Variants in AHNAK2 observed in about 807,000 individuals in gnomAD.
The protein encoded by AHNAK2 is AHNAK nucleoprotein 2, also known as protein AHNAK2.
AHNAK2 carries 18 observed loss-of-function variants against 30.7 expected under a neutral mutation model. The observed-to-expected ratio is 0.59, with a 90% CI of 0.41 to 0.87. The LOEUF is 0.87. AHNAK2 is among the 40% of genes least tolerant of loss of function. The pLI is 0.00. For synonymous variants in AHNAK2, 3,590 were observed against 3,073.8 expected (o/e 1.17, Z -5.56); for missense variants, 8,604 against 7,373.0 (o/e 1.17, Z -6.11).
Position 104,954,733 on chromosome 14 carries a change from C to T in AHNAK2, c.718G>A (p.Glu240Lys). 1 of 1,609,944 alleles carries T rather than the reference C, an allele frequency of 6.2e-7. No homozygotes were observed. Among genetic ancestry groups the T allele is most frequent in the African/African-American group, 1.3e-5 (1 of 74,854 alleles). The change falls in exon 7 of 7, where the codon GAG (glutamate) becomes AAG (lysine). Residue 240 changes from glutamate to lysine, a missense_variant. By Grantham distance (56) the Glu-to-Lys change is moderately conservative. Coordinates refer to ENST00000333244, the MANE Select transcript of AHNAK2 (RefSeq NM_138420.4). The surrounding 1 kb of genome is among the most constrained non-coding windows in gnomAD (Gnocchi z 4.3). ...TKTLEGDGDQ[E>K]RLISKPRVGR... ...ACCCTTGGTTTGGAGATGAGTCTCT[C>T]TTGGTCCCCATCTCCTTCCAGAGTT... is the stretch of plus-strand genomic sequence containing the variant.
rs751882345 is a variant in AHNAK2, at chr14:104,943,145, G to C, written c.12306C>G (p.Asp4102Glu). The stretch of plus-strand genomic sequence containing the variant: ...CCAGCTTTGCTCTCGGGGCCTGGAC[G>C]TCCACCTCCATGCTGGACAGAGACA... ...VKMSLSSMEVDVQAPRAKLDG... is the reference protein window; with the variant it reads ...VKMSLSSMEVEVQAPRAKLDG... Residue 4102 changes from aspartate to glutamate, a missense_variant, in exon 7 of 7, where the codon GAC (aspartate) becomes GAG (glutamate). Coordinates refer to ENST00000333244, the MANE Select transcript of AHNAK2 (RefSeq NM_138420.4). The C allele has an allele frequency of 6.2e-7, 1 of 1,613,260 alleles. No homozygotes were observed. The highest frequency in any genetic ancestry group is 8.5e-7 in the Non-Finnish European group (1 of 1,179,640).
intron 4 of AHNAK2, 24 bp downstream of exon 4, chr14:104,956,564 A>T: frequency 1.2e-6 from 2 of 1,610,868 alleles, no homozygotes; most frequent in Non-Finnish European, 1.7e-6. Context: ...CACCTCTGTG[A>T]CCCTCAGCTC....
Position 104,953,044 on chromosome 14 carries a change from C to G in AHNAK2, c.2407G>C (p.Val803Leu). The G allele has an allele frequency of 6.2e-7, 1 of 1,613,392 alleles. No homozygotes were observed. The highest frequency in any genetic ancestry group is 1.7e-4 in the Middle Eastern group (1 of 6,058). Residue 803 changes from valine to leucine, a missense_variant, in exon 7 of 7, where the codon GTC becomes CTC. Transcript: ENST00000333244. ...KMSLSSMEVD[V>L]QAPRAKLDGA... ...TCCAGCTTTGCTCTCGGGGCCTGGACGTCCACCTCCATGCTGGACAGAGAC... is the reference window on the plus strand; with the variant it reads ...TCCAGCTTTGCTCTCGGGGCCTGGAGGTCCACCTCCATGCTGGACAGAGAC...
At position 104,944,933 on chromosome 14, in the gene AHNAK2, G is replaced by T. The variant is rs199879973; in HGVS notation, c.10518C>A (p.Asp3506Glu). The T allele has an allele frequency of 1.4e-5, 23 of 1,613,086 alleles. 1 individual carries two copies. In the East Asian group the frequency reaches 2.9e-4, roughly 20 times the overall value. The change falls in exon 7 of 7, where the codon GAC becomes GAA. Residue 3506 changes from aspartate to glutamate, a missense_variant. Physicochemically the swap from Asp to Glu is conservative, Grantham distance 45. Transcript: ENST00000333244. ...LDVSAPKVEADVSLSSMQGDL... is the reference protein window; with the variant it reads ...LDVSAPKVEAEVSLSSMQGDL... ...CCCCCTGCATGGAGGAGAGGCTCAC[G>T]TCGGCCTCCACCTTCGGCGCAGACA...
Position 104,945,775 on chromosome 14 carries a change from G to C in AHNAK2, c.9676C>G (p.Leu3226Val), listed in dbSNP as rs756139601. 1.0e-5 allele frequency: 16 copies of C among 1,591,124 alleles called. No homozygotes were observed. Among genetic ancestry groups the C allele is most frequent in the Non-Finnish European group, 1.4e-5 (16 of 1,166,774 alleles). ...VLEGAGLKGH[L>V]PKLQMPSFKM... is the part of the protein sequence containing the mutation. ...AAACTGGGCATCTGCAACTTGGGCA[G>C]GTGCCCTTTGAGGCCAGCTCCCTCG... Residue 3226 changes from leucine (L) to valine (V), a missense_variant, in exon 7 of 7, where the codon CTG (leucine) becomes GTG (valine). Coordinates refer to ENST00000333244, the MANE Select transcript of AHNAK2 (RefSeq NM_138420.4).
chr14:104,967,978 C>T (rs536540962), intron 1 of AHNAK2, among the ~76,000 whole-genome samples: 4 of 152,246 alleles, frequency 2.6e-5, no homozygotes, highest in Admixed American at 2.6e-4. Context: ...CCCAGACAGG[C>T]TCTGCAAGTG....
rs1266164784 is a variant in AHNAK2 at position 104,953,312 on chromosome 14, G to C, written c.2139C>G (p.Ser713=). The C allele has an allele frequency of 1.9e-6, 3 of 1,612,844 alleles. No homozygotes were observed. Among genetic ancestry groups the C allele is most frequent in the Non-Finnish European group, 2.5e-6 (3 of 1,179,690 alleles). ...PKVEADVSLL[S]MQGDLKTTDL... ...CAGTGGTCTTGAGGTCCCCCTGCAT[G>C]GAGAGGAGGCTCACGTCGGCCTCCA... Residue 713 remains serine, a synonymous_variant, in exon 7 of 7, where the codon TCC becomes TCG. Coordinates refer to ENST00000333244, the MANE Select transcript of AHNAK2 (RefSeq NM_138420.4).
Position 104,947,600 on chromosome 14 carries a change from G to C in AHNAK2, c.7851C>G (p.Asp2617Glu). 6.2e-7 allele frequency: 1 copy of C among 1,610,782 alleles called. No individual in the cohort carries two copies. Among genetic ancestry groups the C allele is most frequent in the Non-Finnish European group, 8.5e-7 (1 of 1,178,800 alleles). Residue 2617 changes from aspartate to glutamate, a missense_variant, in exon 7 of 7, where the codon GAC (aspartate) becomes GAG (glutamate). Coordinates refer to ENST00000333244, the MANE Select transcript of AHNAK2 (RefSeq NM_138420.4). ...CCAGCTTTGCTCTCGGGGCCTGGAC[G>C]TCCACCTCCATGCTGGACAGAGACA... ...VEMSLSSMEV[D>E]VQAPRAKLDG...
Position 104,945,863 on chromosome 14 carries a change from G to C in AHNAK2, c.9588C>G (p.Pro3196=), listed in dbSNP as rs55752740. ...CAGCCTGGACCTCCAGTTGGGCAGA[G>C]GGGGGCTCAATGCTGATGTCAGTGT... is the stretch of plus-strand genomic sequence containing the variant. ...LKNTDISIEP[P]SAQLEVQAGQ... The change falls in exon 7 of 7, where the codon CCC becomes CCG. Residue 3196 remains proline (P), a synonymous_variant. Transcript: ENST00000333244. The C allele has an allele frequency of 1.5e-6, 2 of 1,347,788 alleles. No homozygotes were observed. Among genetic ancestry groups the C allele is most frequent in the East Asian group, 2.3e-5 (1 of 44,280 alleles). 83.5% of individuals were successfully genotyped at this position (1,347,788 alleles called of 1,614,324 possible). A position where few individuals can be genotyped will look rare whatever the true frequency, so the allele number is the denominator to read the frequency against.
At position 104,949,571 on chromosome 14, in the gene AHNAK2, G is replaced by T. The variant is rs552655184; in HGVS notation, c.5880C>A (p.Ala1960=). ...GCGCACCATCCAGCTTAGCCTTCTG[G>T]GCCTGGACATCCACCTCCATGCTGG... is the stretch of plus-strand genomic sequence containing the variant. ...SLPSMEVDVQ[A]QKAKLDGARL... Residue 1960 remains alanine (A), a synonymous_variant, in exon 7 of 7, where the codon GCC becomes GCA. Transcript: ENST00000333244. 1.3e-6 allele frequency: 2 copies of T among 1,587,888 alleles called. No individual in the cohort carries two copies. The highest frequency in any genetic ancestry group is 2.2e-5 in the South Asian group (2 of 89,930).
chr14:104,969,282 C>T (rs1077290), intron 1 of AHNAK2, among the ~76,000 whole-genome samples: 2,652 of 152,326 alleles, frequency 0.017, 65 homozygotes, highest in African/African-American at 0.06. Flanking sequence ...CACCCTCTCC[C>T]GAAACAACCT....
rs1257235195 is a variant in AHNAK2, at chr14:104,954,167, T to C, written c.1284A>G (p.Ala428=). The C allele has an allele frequency of 6.2e-7, 1 of 1,610,274 alleles. No homozygotes were observed. Among genetic ancestry groups the C allele is most frequent in the Non-Finnish European group, 8.5e-7 (1 of 1,179,828 alleles). The change falls in exon 7 of 7, where the codon GCA becomes GCG. Residue 428 remains alanine, a synonymous_variant. Coordinates refer to ENST00000333244, the MANE Select transcript of AHNAK2 (RefSeq NM_138420.4). The surrounding 1 kb of genome is among the most constrained non-coding windows in gnomAD (Gnocchi z 4.3). ...RLHGKTLEGQ[A]QETAVAQRKP... ...TCCTCTGGGCCACTGCTGTCTCCTG[T>C]GCCTGCCCCTCCAGGGTCTTTCCAT...
At position 104,945,593 on chromosome 14, in the gene AHNAK2, A is replaced by G. The variant is rs768977911; in HGVS notation, c.9858T>C (p.Asp3286=). 40 of 1,604,582 alleles carry G rather than the reference A, an allele frequency of 2.5e-5. No homozygotes were observed. In the Admixed American group the frequency reaches 4.4e-4, roughly 18 times the overall value. ...VDVEAPGAKL[D]GARLEGDLSL... ...ACAGGTCCCCCTCCAGCCGTGCACC[A>G]TCCAACTTGGCTCCTGGGGCCTCGA... The change falls in exon 7 of 7, where the codon GAT becomes GAC. Residue 3286 remains aspartate, a synonymous_variant. Transcript: ENST00000333244.
rs751271734 is a variant in AHNAK2 at position 104,950,109 on chromosome 14, T to A, written c.5342A>T (p.Asp1781Val). The stretch of plus-strand genomic sequence containing the variant: ...CACGCTGGGCAGAGACACCTCCACG[T>A]CGGGGGCCATCACCTCCGCCTTGGG... Reference protein sequence around the residue: ...KGPKAEVMAPDVEVSLPSVEV... With the variant: ...KGPKAEVMAPVVEVSLPSVEV... Residue 1781 changes from aspartate to valine, a missense_variant, in exon 7 of 7, where the codon GAC becomes GTC. Transcript: ENST00000333244. 3.3e-5 allele frequency: 53 copies of A among 1,586,378 alleles called. 6 individuals are homozygous for A. Among genetic ancestry groups the A allele is most frequent in the African/African-American group, 1.2e-4 (9 of 72,112 alleles).
At chr14:104,958,944 T>C (rs986238772) in intron 1 of AHNAK2, among the ~76,000 whole-genome samples, 7 of 152,214 alleles carry the variant, frequency 4.6e-5, no homozygotes, top group South Asian at 2.1e-4. Flanking sequence ...ATCAAAACCA[T>C]AGAAGCTACG....
At position 104,950,417 on chromosome 14, in the gene AHNAK2, C is replaced by T; in HGVS notation, c.5034G>A (p.Glu1678=). ...TCGGCTCAGACACATCCACCGAGGC[C>T]TCGATGGACTTGCCTGGGGCCGACA... ...FGVSAPGKSI[E]ASVDVSEPKV... The change falls in exon 7 of 7, where the codon GAG becomes GAA. Residue 1678 remains glutamate, a synonymous_variant. Coordinates refer to ENST00000333244, the MANE Select transcript of AHNAK2 (RefSeq NM_138420.4). The T allele has an allele frequency of 6.3e-7, 1 of 1,587,274 alleles. No homozygotes were observed.
At chr14:104,970,190 T>G (rs372140158) in intron 1 of AHNAK2, among the ~76,000 whole-genome samples, 2 of 152,268 alleles carry the variant, frequency 1.3e-5, no homozygotes, top group East Asian at 1.9e-4. Context: ...ACACCTTGTA[T>G]GGCCTGGGCT....
In AHNAK2 at chr14:104,948,056, C is replaced by T. The variant is rs773326103; in HGVS notation, c.7395G>A (p.Leu2465=). The change falls in exon 7 of 7, where the codon CTG becomes CTA. Residue 2465 remains leucine, a synonymous_variant. Transcript: ENST00000333244. ...TGTCCGCCACAGACAGGTCCCCCTC[C>T]AGCCACGCACCATCCAGCTTGGCTC... ...APGAKLDGAW[L]EGDLSVADKD... is the part of the protein sequence containing the mutation. The T allele has an allele frequency of 2.6e-5, 42 of 1,612,982 alleles. No homozygotes were observed. Among genetic ancestry groups the T allele is most frequent in the Non-Finnish European group, 3.3e-5 (39 of 1,179,742 alleles).
chr14:104,954,761 C>T lies in AHNAK2; in HGVS notation c.690G>A (p.Thr230=), dbSNP rs779805398. The T allele has an allele frequency of 2.7e-5, 43 of 1,597,540 alleles. No homozygotes were observed. Among genetic ancestry groups the T allele is most frequent in the East Asian group, 2.5e-4 (11 of 44,660 alleles). ...DVADGCRETP[T]KTLEGDGDQE... ...GGTCCCCATCTCCTTCCAGAGTTTT[C>T]GTGGGGGTCTCTCTGCACCCATCAG... Residue 230 remains threonine (T), a synonymous_variant, in exon 7 of 7, where the codon ACG becomes ACA. Coordinates refer to ENST00000333244, the MANE Select transcript of AHNAK2 (RefSeq NM_138420.4). The surrounding 1 kb of genome is among the most constrained non-coding windows in gnomAD (Gnocchi z 4.3).
Sources: gnomAD v4.1 joint callset for allele counts (sites outside exome capture counted in the v4.1 genomes callset) on GRCh38, gnomAD v4.1.1 for gene constraint, Gnocchi (gnomAD v3.1) non-coding constraint, MANE v1.5 for transcripts, NCBI Gene and HGNC (gene_info 2026-07-23, HGNC 2026-07-21) for gene names.